The following MSR1 variants were observed in gnomAD, a reference collection of about 807,000 sequenced individuals.
MSR1 encodes the protein macrophage scavenger receptor 1, also known as macrophage scavenger receptor types I and II.
Under a neutral mutation model 47.2 loss-of-function variants are expected in MSR1, and 53 were observed. The ratio of observed to expected loss-of-function variants is 1.12; its 90% CI spans 0.90 to 1.41. MSR1 has a LOEUF of 1.41. MSR1 is among the 40% of genes most tolerant of loss of function. The pLI is 0.00. For synonymous variants in MSR1, 239 were observed against 185.6 expected, an observed-to-expected ratio of 1.29 and a Z score of -2.34; for missense variants, 786 against 546.9, an observed-to-expected ratio of 1.44 and a Z score of -4.36.
At chr8:16,179,821 G>A (rs763330117) in intron 1 of MSR1, among the ~76,000 whole-genome samples, 1 of 139,310 alleles carries the variant, frequency 7.2e-6, no homozygotes, top group Non-Finnish European at 1.5e-5. Context: ...AACTTGCAGT[G>A]AGCCGACATT....
chr8:16,152,086 C>G (rs904165743), intron 6 of MSR1, among the ~76,000 whole-genome samples: 1 of 151,412 alleles, frequency 6.6e-6, no homozygotes, highest in African/African-American at 2.4e-5. Context: ...TCTCCTCCCC[C>G]TCTTCCTCAT....
chr8:16,169,065 CT>C (rs1801408119), intron 3 of MSR1, among the ~76,000 whole-genome samples, 195 bp from the exon 4 acceptor site: 1 of 152,044 alleles, frequency 6.6e-6, no homozygotes, highest in African/African-American at 2.4e-5. Flanking sequence ...AGCATACATT[CT>C]CCCTTTCCTA....
intron 2 of MSR1, among the ~76,000 whole-genome samples, chr8:16,175,748 A>C (rs1015759484): frequency 6.6e-6 from 1 of 152,212 alleles, no homozygotes; most frequent in Non-Finnish European, 1.5e-5. Flanking sequence ...CTATGATGTT[A>C]AAATAATTTT....
At chr8:16,136,545 C>T (rs1056015308) in intron 8 of MSR1, among the ~76,000 whole-genome samples, 2 of 151,854 alleles carry the variant, frequency 1.3e-5, no homozygotes, top group Non-Finnish European at 2.9e-5. Flanking sequence ...CACAATATGT[C>T]CACAGTATGC....
At chr8:16,144,789 T>C (rs758205084) in intron 7 of MSR1, among the ~76,000 whole-genome samples, 2 of 152,118 alleles carry the variant, frequency 1.3e-5, no homozygotes, top group Non-Finnish European at 2.9e-5. Flanking sequence ...TCCTAAAGCT[T>C]AGCTGGAATC....
At chr8:16,141,125 G>T in intron 8 of MSR1, 1 of 1,501,382 alleles carries the variant, frequency 6.7e-7, no homozygotes, top group South Asian at 1.2e-5. Context: ...AGATGCATAT[G>T]AAAACATTCA....
intron 8 of MSR1, among the ~76,000 whole-genome samples, chr8:16,133,000 A>G (rs1374405118): frequency 6.6e-6 from 1 of 152,148 alleles, no homozygotes; most frequent in Non-Finnish European, 1.5e-5. Context: ...ATTTTATCAG[A>G]AGCGTTTGCT....
chr8:16,120,739 G>C, intron 8 of MSR1, 133 bp from the exon 9 acceptor site: 3 of 1,103,942 alleles, frequency 2.7e-6, no homozygotes, highest in Non-Finnish European at 3.8e-6. Flanking sequence ...TTCAACTATT[G>C]GAATAAATAT....
At chr8:16,120,901 C>G in intron 8 of MSR1, 1 of 413,228 alleles carries the variant, frequency 2.4e-6, no homozygotes, top group East Asian at 5.0e-5. Context: ...TGAATTTTGA[C>G]AGATACAAGT....
intron 8 of MSR1, among the ~76,000 whole-genome samples, chr8:16,133,077 T>C (rs1800301446): frequency 6.6e-6 from 1 of 152,188 alleles, no homozygotes; most frequent in Non-Finnish European, 1.5e-5. Context: ...TTTATTGATT[T>C]GCAAACTTTT....
At chr8:16,190,427 T>G (rs745979451) in intron 1 of MSR1, among the ~76,000 whole-genome samples, 1 of 152,146 alleles carries the variant, frequency 6.6e-6, no homozygotes, top group Non-Finnish European at 1.5e-5. Context: ...TTAGAATCAT[T>G]TAGATTTTGA....
At chr8:16,182,375 T>C (rs1379784417) in intron 1 of MSR1, among the ~76,000 whole-genome samples, 6 of 152,144 alleles carry the variant, frequency 3.9e-5, no homozygotes, top group Admixed American at 1.3e-4. Context: ...CTACACTGAA[T>C]GTATAAAAAA....
At position 16,121,563 on chromosome 8, in the gene MSR1, G is replaced by C. The variant is rs144445061; in HGVS notation, c.1034-957C>G. Among the ~76,000 whole-genome samples the C allele has an allele frequency of 9.3e-3, 1,416 of 151,946 alleles. 12 individuals are homozygous for C. The highest frequency in any genetic ancestry group is 0.016 in the Non-Finnish European group (1,116 of 67,868). ...GCCTGTATTATTCTGCTAAGTATTT[G>C]TTTAGAAAATTATTTGGCTAAAGAA... On this transcript the variant is annotated intron_variant, in intron 8 of 9. Transcript: ENST00000262101.
chr8:16,169,921 G>C (rs1336014582), intron 3 of MSR1, among the ~76,000 whole-genome samples: 1 of 151,854 alleles, frequency 6.6e-6, no homozygotes, highest in African/African-American at 2.4e-5. Context: ...TAGTATTTTA[G>C]GAACATACTG....
At chr8:16,115,007 G>A (rs1239338353) in intron 9 of MSR1, among the ~76,000 whole-genome samples, 2 of 151,840 alleles carry the variant, frequency 1.3e-5, no homozygotes, top group Admixed American at 6.6e-5. Context: ...GAGAAACCCC[G>A]TCTCTACTAA....
Position 16,120,588 on chromosome 8 carries a change from C to A in MSR1, c.1052G>T (p.Arg351Leu), listed in dbSNP as rs769317482. Residue 351 changes from arginine (R) to leucine (L), a missense_variant, in exon 9 of 10, where the codon CGA becomes CTA. By Grantham distance (102) the Arg-to-Leu change is moderately radical. Transcript: ENST00000262101. ...GNTLTPFTKV[R>L]LVGGSGPHEG... ...GTGAGGGCCGCTCCCACCGACCAGTCGAACTTTCGTAAATGGAGCTGTAAA... is the reference window on the plus strand; with the variant it reads ...GTGAGGGCCGCTCCCACCGACCAGTAGAACTTTCGTAAATGGAGCTGTAAA... 6.3e-7 allele frequency: 1 copy of A among 1,585,596 alleles called. No homozygotes were observed. The highest frequency in any genetic ancestry group is 1.5e-5 in the African/African-American group (1 of 64,974).
chr8:16,145,739 A>G (rs143766676), intron 7 of MSR1, among the ~76,000 whole-genome samples: 171 of 152,238 alleles, frequency 1.1e-3, no homozygotes, highest in African/African-American at 3.9e-3. Context: ...GTTTTGTATC[A>G]TTTTAACATG....
rs543997457 is a variant in MSR1, at chr8:16,183,812, ATATAT to A, written c.-4-5825_-4-5821del. ...TATTATATATTATATTAGTTGGCAAATATATTATATATTATATATTTTATATATCA... is the reference window on the plus strand; with the variant it reads ...TATTATATATTATATTAGTTGGCAAATATATATTATATATTTTATATATCA... On this transcript the variant is annotated intron_variant, in intron 1 of 9. Transcript: ENST00000262101. Among the ~76,000 whole-genome samples the A allele has an allele frequency of 9.3e-3, 1,334 of 143,600 alleles. 7 individuals carry two copies. Among genetic ancestry groups the A allele is most frequent in the Admixed American group, 0.014 (189 of 13,750 alleles). The allele number at this position is 143,600 out of a possible 152,430, so 94.2% of individuals were successfully genotyped here.
chr8:16,111,520 G>A (rs888993398), intron 9 of MSR1, among the ~76,000 whole-genome samples: 3 of 152,114 alleles, frequency 2.0e-5, no homozygotes, highest in African/African-American at 7.2e-5. Context: ...AACTGAGAGT[G>A]GGAATTCTCC....
Sources: gnomAD v4.1 joint callset for allele counts (sites outside exome capture counted in the v4.1 genomes callset) on GRCh38, gnomAD v4.1.1 for gene constraint, MANE v1.5 for transcripts, NCBI Gene and HGNC (gene_info 2026-07-23, HGNC 2026-07-21) for gene names.